DDX10: variants seen among roughly 807,000 people sequenced by gnomAD.
The protein encoded by DDX10 is probable ATP-dependent RNA helicase DDX10.
Under a neutral mutation model 104.3 loss-of-function variants are expected in DDX10, and 74 were observed. The observed-to-expected ratio is 0.71, with a 90% CI of 0.59 to 0.86. DDX10 has a LOEUF of 0.86. Ranked by LOEUF, DDX10 falls within the 40% of genes least tolerant of loss-of-function variation. The pLI is 0.00. For missense variants in DDX10, 952 were observed against 1,040.0 expected, an observed-to-expected ratio of 0.92 and a Z score of 1.16; for synonymous variants, 351 against 353.4, an observed-to-expected ratio of 0.99 and a Z score of 0.08.
chr11:108,847,919 G>A (rs770920113), intron 15 of DDX10, among the ~76,000 whole-genome samples: 5 of 152,086 alleles, frequency 3.3e-5, no homozygotes, highest in Non-Finnish European at 7.4e-5. Context: ...AGCAGCCCTG[G>A]GACTCTTACC....
chr11:108,846,427 G>A (rs374986144), intron 15 of DDX10, among the ~76,000 whole-genome samples: 8 of 152,192 alleles, frequency 5.3e-5, no homozygotes, highest in African/African-American at 1.7e-4. Context: ...CATCTCCCCT[G>A]CAAGCCTTCC....
At chr11:108,722,958 G>A (rs1264913836) in intron 12 of DDX10, 39 bp from the exon 13 acceptor site, 2 of 1,554,832 alleles carry the variant, frequency 1.3e-6, no homozygotes, top group Admixed American at 2.0e-5. Context: ...CATATCATCA[G>A]TGTTGAGATG....
rs150506249 is a variant in DDX10, at chr11:108,827,626, C to CGTT, written c.1966-10816_1966-10814dup. ...ATTTCCATAATTCATAATTTATAAG[C>CGTT]GTTGTTTCCTATAATTTTAGTTGAT... On this transcript the variant is annotated intron_variant, in intron 13 of 17. Transcript: ENST00000322536. Among the ~76,000 whole-genome samples, 838 of 152,126 alleles carry CGTT rather than the reference C, an allele frequency of 5.5e-3. 10 individuals carry two copies. The highest frequency in any genetic ancestry group is 0.019 in the African/African-American group (808 of 41,498).
chr11:108,884,754 C>T (rs1050348357), intron 16 of DDX10, among the ~76,000 whole-genome samples: 2 of 152,092 alleles, frequency 1.3e-5, no homozygotes, highest in Non-Finnish European at 2.9e-5. Context: ...ATAAAGTTTG[C>T]CATCACAGTT....
Position 108,864,230 on chromosome 11 carries a change from C to T in DDX10, c.2304+12021C>T, listed in dbSNP as rs7950209. 2.5e-3 allele frequency among the ~76,000 whole-genome samples: 387 copies of T among 152,186 alleles called. 2 individuals carry two copies. Among genetic ancestry groups the T allele is most frequent in the African/African-American group, 8.9e-3 (369 of 41,516 alleles). On this transcript the variant is annotated intron_variant, in intron 16 of 17. Transcript: ENST00000322536. ...TAGGATTTAACCAGTGGTTCAATCG[C>T]GGCTGGAAATCACTGAAAGATGTCT...
chr11:108,902,364 A>C (rs896722844), intron 16 of DDX10, among the ~76,000 whole-genome samples: 1 of 152,224 alleles, frequency 6.6e-6, no homozygotes, highest in African/African-American at 2.4e-5. Flanking sequence ...TCCTGAGCTA[A>C]CATACCTTTG....
chr11:108,742,101 A>G (rs1034121013), intron 13 of DDX10, among the ~76,000 whole-genome samples: 16 of 151,944 alleles, frequency 1.1e-4, no homozygotes, highest in African/African-American at 3.6e-4. Context: ...TTCTACTAAA[A>G]ATACAAAAAT....
intron 13 of DDX10, among the ~76,000 whole-genome samples, chr11:108,804,857 T>G (rs1216443372): frequency 6.6e-6 from 1 of 152,220 alleles, no homozygotes; most frequent in African/African-American, 2.4e-5. Context: ...ATCTTCAATA[T>G]GATGGAATGT....
At chr11:108,803,030 A>G (rs1862045101) in intron 13 of DDX10, among the ~76,000 whole-genome samples, 1 of 152,246 alleles carries the variant, frequency 6.6e-6, no homozygotes, top group Non-Finnish European at 1.5e-5. Flanking sequence ...AATTGAATGT[A>G]TCCTGCAGAC....
chr11:108,668,117 T>G (rs928743496), intron 1 of DDX10, among the ~76,000 whole-genome samples: 2 of 152,256 alleles, frequency 1.3e-5, no homozygotes, highest in African/African-American at 2.4e-5. Flanking sequence ...TTTTTGTTTC[T>G]TGTAATTGTG....
intron 16 of DDX10, among the ~76,000 whole-genome samples, chr11:108,878,365 A>G (rs1863179938): frequency 6.6e-6 from 1 of 152,246 alleles, no homozygotes; most frequent in Non-Finnish European, 1.5e-5. Context: ...ATTTGTGGAT[A>G]TAGATGTGTA....
intron 6 of DDX10, among the ~76,000 whole-genome samples, chr11:108,681,533 C>T (rs888630615): frequency 6.6e-6 from 1 of 152,106 alleles, no homozygotes; most frequent in Admixed American, 6.5e-5. Flanking sequence ...GTTCATACAC[C>T]AGGAGAGATA....
chr11:108,938,160 C>A (rs17108771), intron 17 of DDX10, among the ~76,000 whole-genome samples: 2,023 of 152,240 alleles, frequency 0.013, 50 homozygotes, highest in African/African-American at 0.046. Flanking sequence ...ACATTATCCC[C>A]CTTTTGGTAA....
intron 16 of DDX10, among the ~76,000 whole-genome samples, chr11:108,892,270 ACCTC>A (rs984640220): frequency 1.3e-5 from 2 of 151,506 alleles, no homozygotes; most frequent in Non-Finnish European, 2.9e-5. Flanking sequence ...AAGAGCTGGC[ACCTC>A]CCTCCCTCTT....
intron 2 of DDX10, among the ~76,000 whole-genome samples, chr11:108,674,105 C>CTTG (rs1320596502): frequency 6.6e-6 from 1 of 152,016 alleles, no homozygotes; most frequent in African/African-American, 2.4e-5. Context: ...GGGTGGATCA[C>CTTG]AGGGTCAGGA....
At chr11:108,675,758 G>T (rs758363513) in intron 3 of DDX10, 32 bp downstream of exon 3, 6 of 1,608,672 alleles carry the variant, frequency 3.7e-6, no homozygotes, top group Non-Finnish European at 3.4e-6. Context: ...CAGACTGTCT[G>T]TTATACAATT....
intron 13 of DDX10, among the ~76,000 whole-genome samples, chr11:108,778,539 T>C (rs1257181316): frequency 3.4e-4 from 51 of 152,026 alleles, no homozygotes; most frequent in African/African-American, 7.7e-4. Flanking sequence ...ATACAAAAAT[T>C]AATTCAAGAT....
intron 13 of DDX10, among the ~76,000 whole-genome samples, chr11:108,810,303 C>T (rs1021220557): frequency 2.0e-5 from 3 of 151,810 alleles, no homozygotes; most frequent in African/African-American, 4.8e-5. Flanking sequence ...AGGGGAGGGG[C>T]GGGTAAAGAT....
At chr11:108,836,717 G>T (rs541618761) in intron 13 of DDX10, among the ~76,000 whole-genome samples, 1 of 152,244 alleles carries the variant, frequency 6.6e-6, no homozygotes, top group South Asian at 2.1e-4. Context: ...TCGAACTCCT[G>T]ACCTCAAGTG....
Sources: allele counts gnomAD v4.1 joint callset (sites outside exome capture counted in the v4.1 genomes callset), GRCh38; gene constraint gnomAD v4.1.1; transcripts MANE v1.5; gene names NCBI Gene and HGNC (gene_info 2026-07-23, HGNC 2026-07-21).